Variants in ITPR1 observed in about 807,000 individuals in gnomAD.
The protein encoded by ITPR1 is inositol 1,4,5-trisphosphate receptor type 1.
Under a neutral mutation model 318.4 loss-of-function variants are expected in ITPR1, and 96 were observed. The observed-to-expected ratio is 0.30, with a 90% CI of 0.26 to 0.36. ITPR1 has a LOEUF of 0.36. Ranked by LOEUF, ITPR1 falls within the 10% of genes least tolerant of loss-of-function variation. The probability of loss-of-function intolerance (pLI) is 1.00; values close to 1 mark genes in which losing one functional copy is unlikely to be tolerated. For synonymous variants in ITPR1, 1,312 were observed against 1,289.9 expected, an observed-to-expected ratio of 1.02 and a Z score of -0.37; for missense variants, 2,440 against 3,460.2, an observed-to-expected ratio of 0.71 and a Z score of 7.40.
chr3:4,599,535 T>C (rs1389934780), intron 4 of ITPR1, among the ~76,000 whole-genome samples: 1 of 152,206 alleles, frequency 6.6e-6, no homozygotes, highest in Non-Finnish European at 1.5e-5. Flanking sequence ...TTTACAGTCT[T>C]GCCAACATCC....
At chr3:4,784,210 G>A (rs943424680) in intron 51 of ITPR1, among the ~76,000 whole-genome samples, 2 of 151,948 alleles carry the variant, frequency 1.3e-5, no homozygotes, top group African/African-American at 4.8e-5. Context: ...GCTGTAGATC[G>A]TGGTGGTCAC....
At chr3:4,585,374 C>A (rs2089788798) in intron 4 of ITPR1, among the ~76,000 whole-genome samples, 1 of 152,178 alleles carries the variant, frequency 6.6e-6, no homozygotes, top group Non-Finnish European at 1.5e-5. Flanking sequence ...AGTCCTGGTA[C>A]ACAAAACTCT....
intron 4 of ITPR1, among the ~76,000 whole-genome samples, chr3:4,557,440 G>A (rs1004216163): frequency 6.6e-5 from 10 of 152,148 alleles, no homozygotes; most frequent in African/African-American, 2.4e-4. Context: ...TTCAAGATGA[G>A]ATTTGGGTGG....
intron 2 of ITPR1, among the ~76,000 whole-genome samples, chr3:4,496,226 G>A (rs994399935): frequency 1.3e-5 from 2 of 152,224 alleles, no homozygotes; most frequent in African/African-American, 4.8e-5. Context: ...ACTGCAATGT[G>A]AAATGTTGAT....
intron 44 of ITPR1, among the ~76,000 whole-genome samples, chr3:4,756,563 T>C (rs1015395684): frequency 1.3e-5 from 2 of 152,212 alleles, no homozygotes; most frequent in African/African-American, 2.4e-5. Context: ...CTCCCACTTA[T>C]ACGCCAGAAC....
chr3:4,639,593 T>C (rs1444963270), intron 6 of ITPR1, 123 bp downstream of exon 6: 1 of 700,998 alleles, frequency 1.4e-6, no homozygotes, highest in African/African-American at 1.8e-5. Context: ...GCAGCCAGTT[T>C]ATTGCAAAAA....
intron 46 of ITPR1, among the ~76,000 whole-genome samples, chr3:4,772,247 A>G (rs1365526798): frequency 6.6e-6 from 1 of 152,266 alleles, no homozygotes; most frequent in African/African-American, 2.4e-5. Flanking sequence ...AGGCATTCTC[A>G]TAAGGAGAGA....
At chr3:4,703,755 A>T (rs2094702460) in intron 36 of ITPR1, among the ~76,000 whole-genome samples, 1 of 152,104 alleles carries the variant, frequency 6.6e-6, no homozygotes, top group African/African-American at 2.4e-5. Flanking sequence ...ATCTATTAGG[A>T]CTGTTGCCTG....
At chr3:4,768,800 G>A (rs755094705) in intron 46 of ITPR1, 36 bp downstream of exon 46, 50 of 1,580,152 alleles carry the variant, frequency 3.2e-5, no homozygotes, top group Admixed American at 2.1e-4. Flanking sequence ...GAGGGAGCTC[G>A]GGAAAGGCTG....
rs78575407 is a variant in ITPR1, at chr3:4,720,747, T to A, written c.5136+3348T>A. 9.6e-3 allele frequency among the ~76,000 whole-genome samples: 1,455 copies of A among 152,194 alleles called. 15 individuals are homozygous for A. Among genetic ancestry groups the A allele is most frequent in the African/African-American group, 0.033 (1,374 of 41,528 alleles). ...CATATGTTAACTCCTCGACTTCTCC[T>A]ACTTGAGCTGCTTCTGCCGGCAAAA... On this transcript the variant is annotated intron_variant, in intron 40 of 61. Transcript: ENST00000649015.
chr3:4,785,560 G>A (rs891686269), intron 51 of ITPR1, among the ~76,000 whole-genome samples: 1 of 94,074 alleles, frequency 1.1e-5, no homozygotes, highest in East Asian at 8.1e-4. Flanking sequence ...GCCAGTGTAT[G>A]TGAGCAAATA....
chr3:4,624,118 C>A (rs772315594), intron 4 of ITPR1, among the ~76,000 whole-genome samples: 6 of 152,040 alleles, frequency 3.9e-5, no homozygotes, highest in African/African-American at 7.2e-5. Context: ...CCTGAGTGTC[C>A]CCCACATCTA....
At chr3:4,624,395 G>A (rs940999912) in intron 4 of ITPR1, among the ~76,000 whole-genome samples, 1 of 152,162 alleles carries the variant, frequency 6.6e-6, no homozygotes, top group African/African-American at 2.4e-5. Flanking sequence ...ACAGTAAGGT[G>A]CAGTGTCTCA....
At chr3:4,570,975 G>A (rs965984382) in intron 4 of ITPR1, among the ~76,000 whole-genome samples, 6 of 152,224 alleles carry the variant, frequency 3.9e-5, no homozygotes, top group Admixed American at 6.5e-5. Flanking sequence ...TTGGCTTGCT[G>A]TTGGACAGAG....
chr3:4,506,503 T>C (rs1314355557), intron 2 of ITPR1, among the ~76,000 whole-genome samples: 1 of 152,206 alleles, frequency 6.6e-6, no homozygotes, highest in Non-Finnish European at 1.5e-5. Context: ...ATCACCAGTT[T>C]TAATTTTTTG....
At chr3:4,621,688 C>G (rs2092640223) in intron 4 of ITPR1, among the ~76,000 whole-genome samples, 2 of 152,216 alleles carry the variant, frequency 1.3e-5, no homozygotes, top group South Asian at 4.1e-4. Flanking sequence ...CTTCTGCTTC[C>G]CTCTCAAGCC....
chr3:4,817,211 A>T (rs531947192), intron 59 of ITPR1, among the ~76,000 whole-genome samples: 1 of 152,272 alleles, frequency 6.6e-6, no homozygotes, highest in Non-Finnish European at 1.5e-5. Flanking sequence ...CATTTCTCCA[A>T]AGAGCCCCGG....
At chr3:4,699,350 C>G (rs1211266771) in intron 34 of ITPR1, among the ~76,000 whole-genome samples, 2 of 129,134 alleles carry the variant, frequency 1.5e-5, no homozygotes, top group African/African-American at 2.6e-5. Context: ...GCGTGAGACT[C>G]TATCTCAAAA....
intron 4 of ITPR1, among the ~76,000 whole-genome samples, chr3:4,568,011 G>T (rs1367778610): frequency 6.6e-6 from 1 of 152,116 alleles, no homozygotes; most frequent in Non-Finnish European, 1.5e-5. Context: ...TATTTATCAG[G>T]TATGTGGTCA....
Sources: gnomAD v4.1 joint callset for allele counts (sites outside exome capture counted in the v4.1 genomes callset) on GRCh38, gnomAD v4.1.1 for gene constraint, MANE v1.5 for transcripts, NCBI Gene and HGNC (gene_info 2026-07-23, HGNC 2026-07-21) for gene names.